ULK4: variants seen among roughly 807,000 people sequenced by gnomAD.
The protein encoded by ULK4 is inactive serine/threonine-protein kinase ULK4.
In ULK4, 133 loss-of-function variants were observed where a neutral mutation model predicts 160.6. That is an observed-to-expected ratio of 0.83 (90% CI 0.72 to 0.96). ULK4 has a LOEUF of 0.96. ULK4 is among the 40% of genes least tolerant of loss of function. The pLI is 0.00. For synonymous variants in ULK4, 534 were observed against 539.8 expected (o/e 0.99, Z 0.15); for missense variants, 1,580 against 1,499.5 (o/e 1.05, Z -0.89).
intron 35 of ULK4, among the ~76,000 whole-genome samples, chr3:41,379,045 G>T (rs947351321): frequency 6.6e-6 from 1 of 151,888 alleles, no homozygotes; most frequent in African/African-American, 2.4e-5. Context: ...TCACACACCA[G>T]GGCCTGTCGG....
intron 30 of ULK4, among the ~76,000 whole-genome samples, chr3:41,660,151 G>T (rs771637751): frequency 2.0e-5 from 3 of 151,930 alleles, no homozygotes; most frequent in African/African-American, 4.8e-5. Context: ...ACAAATTAGT[G>T]GGGTGTGGTG....
At chr3:41,512,451 A>G (rs904022336) in intron 32 of ULK4, among the ~76,000 whole-genome samples, 2 of 152,218 alleles carry the variant, frequency 1.3e-5, no homozygotes, top group African/African-American at 4.8e-5. Flanking sequence ...AATGTACACT[A>G]CTCAGTAATT....
intron 32 of ULK4, among the ~76,000 whole-genome samples, chr3:41,529,458 C>T (rs1012559072): frequency 6.6e-6 from 1 of 152,132 alleles, no homozygotes; most frequent in African/African-American, 2.4e-5. Flanking sequence ...AAAATAAGCC[C>T]ATTATCTGAA....
At chr3:41,289,629 G>A (rs993389861) in intron 35 of ULK4, among the ~76,000 whole-genome samples, 10 of 152,234 alleles carry the variant, frequency 6.6e-5, no homozygotes, top group South Asian at 6.2e-4. Flanking sequence ...GTTGAAGGTG[G>A]CCACAGAGCC....
Position 41,512,250 on chromosome 3 carries a change from A to T in ULK4, c.3227-48997T>A, listed in dbSNP as rs146482294. On this transcript the variant is annotated intron_variant, in intron 32 of 36. Transcript: ENST00000301831. ...AAGGATCCCCACTTTCATCACTTCT[A>T]TTCAACATAGTAGAAGTTCTAGCCA... is the stretch of plus-strand genomic sequence containing the variant. Among the ~76,000 whole-genome samples, 709 of 152,332 alleles carry T rather than the reference A, an allele frequency of 4.7e-3. 3 individuals are homozygous for T. The highest frequency in any genetic ancestry group is 0.024 in the Middle Eastern group (7 of 294).
intron 17 of ULK4, among the ~76,000 whole-genome samples, chr3:41,847,458 C>A (rs1307009986): frequency 1.3e-5 from 2 of 152,164 alleles, no homozygotes; most frequent in South Asian, 4.1e-4. Context: ...CAGTGTTTTA[C>A]TAGACCAAAG....
At chr3:41,468,935 T>C (rs1314235370) in intron 32 of ULK4, among the ~76,000 whole-genome samples, 2 of 152,200 alleles carry the variant, frequency 1.3e-5, no homozygotes, top group African/African-American at 4.8e-5. Flanking sequence ...GACATAGATA[T>C]GGTGTTAGCT....
chr3:41,940,377 T>C (rs1035933417), intron 2 of ULK4, among the ~76,000 whole-genome samples: 3 of 152,210 alleles, frequency 2.0e-5, no homozygotes, highest in Non-Finnish European at 4.4e-5. Flanking sequence ...TGGCAATACG[T>C]GTCACCTCAG....
chr3:41,449,207 C>G (rs2083371341), intron 34 of ULK4, among the ~76,000 whole-genome samples: 1 of 151,416 alleles, frequency 6.6e-6, no homozygotes, highest in South Asian at 2.1e-4. Flanking sequence ...TGTGAGCCAC[C>G]ATGCCCGGCC....
At chr3:41,558,128 T>G (rs886100438) in intron 32 of ULK4, among the ~76,000 whole-genome samples, 16 of 152,162 alleles carry the variant, frequency 1.1e-4, no homozygotes, top group Non-Finnish European at 1.9e-4. Flanking sequence ...CCTATACATA[T>G]TCCTGCTCCT....
At chr3:41,498,177 C>A (rs926038578) in intron 32 of ULK4, among the ~76,000 whole-genome samples, 1 of 151,990 alleles carries the variant, frequency 6.6e-6, no homozygotes, top group Non-Finnish European at 1.5e-5. Flanking sequence ...TAGGAATTTT[C>A]AAAAAACTGA....
At chr3:41,500,828 T>C (rs762148729) in intron 32 of ULK4, among the ~76,000 whole-genome samples, 1 of 152,212 alleles carries the variant, frequency 6.6e-6, no homozygotes, top group African/African-American at 2.4e-5. Flanking sequence ...CTATGTGTGA[T>C]GGCAAATTTT....
At chr3:41,897,736 T>C (rs1282263296) in intron 14 of ULK4, among the ~76,000 whole-genome samples, 6 of 152,214 alleles carry the variant, frequency 3.9e-5, no homozygotes, top group African/African-American at 1.4e-4. Context: ...TTTTTGTTTT[T>C]ATCAGTAATT....
At chr3:41,588,361 A>G (rs948600332) in intron 31 of ULK4, among the ~76,000 whole-genome samples, 4 of 152,246 alleles carry the variant, frequency 2.6e-5, no homozygotes, top group Admixed American at 1.3e-4. Flanking sequence ...ATTACATTCA[A>G]TTCAAAGATA....
At chr3:41,753,845 T>C (rs2038706893) in intron 22 of ULK4, among the ~76,000 whole-genome samples, 1 of 152,180 alleles carries the variant, frequency 6.6e-6, no homozygotes, top group South Asian at 2.1e-4. Context: ...AGGAAAAAGG[T>C]TAATTAATTC....
chr3:41,759,919 C>A (rs190178939), intron 21 of ULK4, among the ~76,000 whole-genome samples: 2 of 152,126 alleles, frequency 1.3e-5, no homozygotes, highest in Non-Finnish European at 2.9e-5. Flanking sequence ...TTAACTTACA[C>A]TCATTCCTCA....
intron 35 of ULK4, among the ~76,000 whole-genome samples, chr3:41,297,691 A>T (rs2079697147): frequency 6.6e-6 from 1 of 152,208 alleles, no homozygotes. Context: ...AAAAATGAAT[A>T]CAACTAGCTG....
intron 35 of ULK4, among the ~76,000 whole-genome samples, chr3:41,311,635 C>T (rs2080050992): frequency 1.3e-5 from 2 of 151,882 alleles, no homozygotes; most frequent in Admixed American, 1.3e-4. Context: ...GTGGTGCAAT[C>T]TCGACTCACT....
chr3:41,786,289 G>A (rs1476274653), intron 21 of ULK4, among the ~76,000 whole-genome samples: 6 of 152,148 alleles, frequency 3.9e-5, no homozygotes, highest in Admixed American at 3.9e-4. Flanking sequence ...ATTCAGAGTT[G>A]AAAATCATTT....
Sources: allele counts gnomAD v4.1 joint callset (sites outside exome capture counted in the v4.1 genomes callset), GRCh38; gene constraint gnomAD v4.1.1; transcripts MANE v1.5; gene names NCBI Gene and HGNC (gene_info 2026-07-23, HGNC 2026-07-21).